Variants in POU6F2 observed in about 807,000 individuals in gnomAD.
POU6F2 encodes the protein POU class 6 homeobox 2, also known as POU domain, class 6, transcription factor 2.
POU6F2 carries 31 observed loss-of-function variants against 71.3 expected under a neutral mutation model. The ratio of observed to expected loss-of-function variants is 0.43; its 90% CI spans 0.33 to 0.59. The LOEUF (loss-of-function observed/expected upper bound fraction) is 0.59, where lower values mean the gene tolerates loss of function less well. POU6F2 is among the 20% of genes least tolerant of loss of function. POU6F2 has a pLI of 0.04. For missense variants in POU6F2, 783 were observed against 856.8 expected (o/e 0.91, Z 1.07); for synonymous variants, 347 against 355.7 (o/e 0.98, Z 0.27).
At chr7:39,385,706 A>C (rs1201098288) in intron 5 of POU6F2, among the ~76,000 whole-genome samples, 1 of 152,148 alleles carries the variant, frequency 6.6e-6, no homozygotes, top group Non-Finnish European at 1.5e-5. Context: ...TCAATGGAGA[A>C]GTGTTGCTCC....
intron 4 of POU6F2, among the ~76,000 whole-genome samples, chr7:39,209,801 C>G (rs1794101392): frequency 6.6e-6 from 1 of 152,138 alleles, no homozygotes; most frequent in African/African-American, 2.4e-5. Flanking sequence ...GCTTGTGGAG[C>G]TTTCCAGGTT....
chr7:39,161,339 C>T (rs532033795), intron 2 of POU6F2, among the ~76,000 whole-genome samples: 4 of 152,196 alleles, frequency 2.6e-5, no homozygotes, highest in Non-Finnish European at 4.4e-5. Context: ...TGATACGCTA[C>T]TTGAGTCACT....
chr7:39,270,652 A>G (rs561328734), intron 4 of POU6F2, among the ~76,000 whole-genome samples: 1 of 152,290 alleles, frequency 6.6e-6, no homozygotes, highest in South Asian at 2.1e-4. Flanking sequence ...TTGTCATGCT[A>G]GGAAATCAAG....
At position 39,010,955 on chromosome 7, in the gene POU6F2, A is replaced by G. The variant is rs1202628362; in HGVS notation, c.105+32897A>G. Among the ~76,000 whole-genome samples the G allele has an allele frequency of 4.0e-5, 6 of 149,924 alleles. No homozygotes were observed. In the East Asian group the frequency reaches 9.8e-4, roughly 24 times the overall value. On this transcript the variant is annotated intron_variant, in intron 1 of 9. Coordinates refer to ENST00000518318, the MANE Select transcript of POU6F2 (RefSeq NM_001370959.1). The stretch of plus-strand genomic sequence containing the variant: ...ATCTTTACTTCCAAGTATGTGGTCA[A>G]TTTTGGAATAGGTGTGGTGTGGTGC...
chr7:39,145,913 A>C (rs975675275), intron 2 of POU6F2, among the ~76,000 whole-genome samples: 44 of 152,218 alleles, frequency 2.9e-4, no homozygotes, highest in Admixed American at 2.1e-3. Flanking sequence ...CACAAGGAAA[A>C]CTGCAATTTA....
At chr7:39,421,259 T>C (rs1040336419) in intron 6 of POU6F2, among the ~76,000 whole-genome samples, 10 of 152,150 alleles carry the variant, frequency 6.6e-5, no homozygotes, top group Admixed American at 3.9e-4. Flanking sequence ...TAACAGGAAA[T>C]TGAAAAAGTA....
intron 4 of POU6F2, among the ~76,000 whole-genome samples, chr7:39,262,312 G>A (rs1784151278): frequency 6.6e-6 from 1 of 152,176 alleles, no homozygotes; most frequent in Non-Finnish European, 1.5e-5. Context: ...ATGAATGGTG[G>A]ATCTGAACGG....
intron 2 of POU6F2, among the ~76,000 whole-genome samples, chr7:39,116,271 A>G (rs950866224): frequency 2.6e-5 from 4 of 152,108 alleles, no homozygotes; most frequent in African/African-American, 4.8e-5. Flanking sequence ...TGTAGTCCCA[A>G]CTGCTCAGGA....
chr7:39,297,977 T>C (rs975546936), intron 4 of POU6F2, among the ~76,000 whole-genome samples: 2 of 152,222 alleles, frequency 1.3e-5, no homozygotes, highest in East Asian at 1.9e-4. Flanking sequence ...CTGGACCCCT[T>C]CCTTATATCT....
At chr7:38,997,312 T>C (rs527873959) in intron 1 of POU6F2, among the ~76,000 whole-genome samples, 1 of 152,220 alleles carries the variant, frequency 6.6e-6, no homozygotes, top group Admixed American at 6.5e-5. Context: ...GTTCAGACTC[T>C]ACACTCTAGT....
chr7:39,121,327 GT>G (rs1792036412), intron 2 of POU6F2, among the ~76,000 whole-genome samples: 1 of 152,172 alleles, frequency 6.6e-6, no homozygotes, highest in Non-Finnish European at 1.5e-5. Context: ...AATAATCCAT[GT>G]TACATTTTTC....
chr7:39,056,670 GTGTGTGTA>G (rs1359589692), intron 1 of POU6F2, among the ~76,000 whole-genome samples: 29 of 123,810 alleles, frequency 2.3e-4, no homozygotes, highest in South Asian at 6.7e-4. Context: ...CTCTGTGTGT[GTGTGTGTA>G]TGTGTGTGTG....
intron 7 of POU6F2, among the ~76,000 whole-genome samples, chr7:39,438,042 C>G (rs1287997869): frequency 1.3e-5 from 2 of 152,054 alleles, no homozygotes; most frequent in Admixed American, 1.3e-4. Flanking sequence ...GTGTGCTACA[C>G]CCATTAACTC....
At chr7:39,253,853 T>C (rs904184694) in intron 4 of POU6F2, among the ~76,000 whole-genome samples, 4 of 152,156 alleles carry the variant, frequency 2.6e-5, no homozygotes, top group African/African-American at 7.2e-5. Context: ...GCCAAACCAT[T>C]ATATTTTTCT....
chr7:38,996,057 T>A (rs867423825), intron 1 of POU6F2, among the ~76,000 whole-genome samples: 22 of 88,878 alleles, frequency 2.5e-4, no homozygotes, highest in East Asian at 7.3e-4. Context: ...TTTTTTTTTT[T>A]AGACAGAATT....
intron 2 of POU6F2, among the ~76,000 whole-genome samples, chr7:39,105,243 A>G (rs1584544558): frequency 6.6e-6 from 1 of 152,202 alleles, no homozygotes; most frequent in Non-Finnish European, 1.5e-5. Flanking sequence ...TTCTGTTATA[A>G]TAAACCATTT....
In POU6F2 at chr7:39,355,926, T is replaced by C. The variant is rs576084020; in HGVS notation, c.972+15911T>C. Among the ~76,000 whole-genome samples, 4 of 152,220 alleles carry C rather than the reference T, an allele frequency of 2.6e-5. No individual in the cohort carries two copies. In the South Asian group the frequency reaches 8.3e-4, roughly 32 times the overall value. On this transcript the variant is annotated intron_variant, in intron 5 of 9. Coordinates refer to ENST00000518318, the MANE Select transcript of POU6F2 (RefSeq NM_001370959.1). Reference sequence around the variant, plus strand: ...AACCCCACAGGGATTAATTGGCTAATTTAGGCCCCTGGAAGCTGTGTCCCT... The same window carrying C: ...AACCCCACAGGGATTAATTGGCTAACTTAGGCCCCTGGAAGCTGTGTCCCT...
At chr7:39,322,126 T>C (rs1785409120) in intron 4 of POU6F2, among the ~76,000 whole-genome samples, 1 of 152,232 alleles carries the variant, frequency 6.6e-6, no homozygotes, top group Non-Finnish European at 1.5e-5. Flanking sequence ...TGTGTTGCTT[T>C]ACCCGTCCTA....
intron 2 of POU6F2, among the ~76,000 whole-genome samples, chr7:39,194,735 T>C (rs11761414): frequency 2.6e-5 from 4 of 152,216 alleles, no homozygotes; most frequent in Non-Finnish European, 5.9e-5. Context: ...CTTTTGCTGG[T>C]GCTCCCTCTT....
Sources: gnomAD v4.1 joint callset for allele counts (sites outside exome capture counted in the v4.1 genomes callset) on GRCh38, gnomAD v4.1.1 for gene constraint, MANE v1.5 for transcripts, NCBI Gene and HGNC (gene_info 2026-07-23, HGNC 2026-07-21) for gene names.